CFAP61: variants seen among roughly 807,000 people sequenced by gnomAD.
CFAP61 encodes cilia and flagella associated protein 61.
CFAP61 carries 107 observed loss-of-function variants against 135.6 expected under a neutral mutation model. The ratio of observed to expected loss-of-function variants is 0.79; its 90% confidence interval spans 0.67 to 0.93. The LOEUF (loss-of-function observed/expected upper bound fraction) is 0.93, where lower values mean the gene tolerates loss of function less well. Ranked by LOEUF, CFAP61 falls within the 40% of genes least tolerant of loss-of-function variation. CFAP61 has a pLI of 0.00. For missense variants in CFAP61, 1,507 were observed against 1,556.2 expected (o/e 0.97, Z 0.53); for synonymous variants, 575 against 578.5 (o/e 0.99, Z 0.09).
rs568390677 is a variant in CFAP61 at position 20,210,552 on chromosome 20, G to A, written c.1932+10650G>A. The stretch of plus-strand genomic sequence containing the variant: ...TCAGGAGGGGTCATGAGTCAGCAGG[G>A]ATTGGCAGAAATGAAACACATCTGC... On this transcript the variant is annotated intron_variant, in intron 17 of 26. Coordinates refer to ENST00000245957, the MANE Select transcript of CFAP61 (RefSeq NM_015585.4). Among the ~76,000 whole-genome samples the A allele has an allele frequency of 5.9e-5, 9 of 152,308 alleles. No homozygotes were observed. The South Asian group carries it at 1.2e-3, about 21-fold the overall frequency.
intron 25 of CFAP61, among the ~76,000 whole-genome samples, chr20:20,300,890 G>A (rs943816693): frequency 2.6e-5 from 4 of 152,100 alleles, no homozygotes; most frequent in African/African-American, 9.7e-5. Flanking sequence ...ACAGGCATGA[G>A]CCACCGTGCC....
At chr20:20,111,084 T>C (rs1600707979) in intron 8 of CFAP61, among the ~76,000 whole-genome samples, 1 of 152,220 alleles carries the variant, frequency 6.6e-6, no homozygotes, top group South Asian at 2.1e-4. Context: ...GAGCAGATTA[T>C]AGTTTTCCAT....
At chr20:20,095,895 G>T (rs942484720) in intron 7 of CFAP61, among the ~76,000 whole-genome samples, 6 of 152,196 alleles carry the variant, frequency 3.9e-5, no homozygotes, top group African/African-American at 1.4e-4. Flanking sequence ...GCATAAATGA[G>T]AAAATACACA....
At chr20:20,219,510 A>G (rs1386534170) in intron 17 of CFAP61, among the ~76,000 whole-genome samples, 1 of 152,212 alleles carries the variant, frequency 6.6e-6, no homozygotes, top group Non-Finnish European at 1.5e-5. Flanking sequence ...TGCATCTCTG[A>G]TATATCATAT....
At chr20:20,214,740 A>C (rs760448203) in intron 17 of CFAP61, among the ~76,000 whole-genome samples, 3 of 152,208 alleles carry the variant, frequency 2.0e-5, no homozygotes, top group Non-Finnish European at 4.4e-5. Context: ...CTAAAATCTC[A>C]ACACTTCTTT....
At chr20:20,251,308 T>A (rs189882614) in intron 19 of CFAP61, among the ~76,000 whole-genome samples, 1 of 150,316 alleles carries the variant, frequency 6.7e-6, no homozygotes, top group East Asian at 2.0e-4. Flanking sequence ...TATGAGTGAT[T>A]TCACACACAC....
At chr20:20,123,143 T>A (rs1481035354) in intron 8 of CFAP61, among the ~76,000 whole-genome samples, 1 of 151,768 alleles carries the variant, frequency 6.6e-6, no homozygotes, top group African/African-American at 2.4e-5. Flanking sequence ...CTGATTTGTT[T>A]GAGTTCGTTG....
chr20:20,241,930 C>A (rs758058931), intron 18 of CFAP61, among the ~76,000 whole-genome samples: 2 of 151,990 alleles, frequency 1.3e-5, no homozygotes, highest in African/African-American at 2.4e-5. Flanking sequence ...ATTTTTTATT[C>A]TTATTATTAG....
At position 20,164,168 on chromosome 20, in the gene CFAP61, G is replaced by T; in HGVS notation, c.1145G>T (p.Arg382Met). Residue 382 changes from arginine to methionine, a missense_variant, in exon 11 of 27, where the codon AGG becomes ATG. Physicochemically the swap from Arg to Met is moderately conservative, Grantham distance 91. Transcript: ENST00000245957. The stretch of plus-strand genomic sequence containing the variant: ...CCCGTCCACTTCCGCCCCATCTACA[G>T]GGGAGCCTCAGCTGCTTTTTGTATT... The part of the protein sequence containing the change: ...EEPVHFRPIY[R>M]GASAAFCIQL... The T allele has an allele frequency of 6.2e-7, 1 of 1,614,086 alleles. No homozygotes were observed. Among genetic ancestry groups the T allele is most frequent in the Non-Finnish European group, 8.5e-7 (1 of 1,179,970 alleles).
At chr20:20,223,603 G>T (rs546095167) in intron 17 of CFAP61, among the ~76,000 whole-genome samples, 43 of 152,256 alleles carry the variant, frequency 2.8e-4, no homozygotes, top group African/African-American at 9.9e-4. Flanking sequence ...CATTGAAATT[G>T]AGTTTCAGTA....
intron 17 of CFAP61, among the ~76,000 whole-genome samples, chr20:20,213,678 C>T (rs777878754): frequency 3.3e-5 from 5 of 152,062 alleles, no homozygotes; most frequent in East Asian, 1.9e-4. Context: ...AGCCTGTTTA[C>T]GTTCTCACCA....
At chr20:20,294,309 G>A (rs1218877346) in intron 24 of CFAP61, among the ~76,000 whole-genome samples, 1 of 152,156 alleles carries the variant, frequency 6.6e-6, no homozygotes, top group Admixed American at 6.5e-5. Flanking sequence ...GAATAGGAGT[G>A]GCCTGCACTA....
chr20:20,295,526 G>A (rs1286492911), intron 24 of CFAP61, among the ~76,000 whole-genome samples: 1 of 152,146 alleles, frequency 6.6e-6, no homozygotes, highest in East Asian at 1.9e-4. Context: ...CCCTTACTGT[G>A]ACGGGGACAT....
At chr20:20,118,664 C>T (rs2049371309) in intron 8 of CFAP61, among the ~76,000 whole-genome samples, 1 of 152,036 alleles carries the variant, frequency 6.6e-6, no homozygotes, top group South Asian at 2.1e-4. Flanking sequence ...TCCTTCTGTA[C>T]TCATTTTGTT....
chr20:20,119,637 A>G (rs1448777680), intron 8 of CFAP61, among the ~76,000 whole-genome samples: 6 of 146,878 alleles, frequency 4.1e-5, no homozygotes, highest in Non-Finnish European at 9.3e-5. Context: ...CTATGAAGAA[A>G]TGATTTTTTT....
At position 20,169,464 on chromosome 20, in the gene CFAP61, A is replaced by T. The variant is rs2054066358; in HGVS notation, c.1385+4A>T. 6.2e-7 allele frequency: 1 copy of T among 1,602,924 alleles called. No homozygotes were observed. Among genetic ancestry groups the T allele is most frequent in the African/African-American group, 1.3e-5 (1 of 74,848 alleles). On this transcript the variant is annotated splice_donor_region_variant and intron_variant, in intron 13 of 26. Coordinates refer to ENST00000245957, the MANE Select transcript of CFAP61 (RefSeq NM_015585.4). ...TCCACCGGGCTGGATTGCTCAAGTG[A>T]GTAGACACATGTTTGGCCACACAAC... is the stretch of plus-strand genomic sequence containing the variant.
intron 10 of CFAP61, among the ~76,000 whole-genome samples, chr20:20,163,645 G>A (rs1047804032): frequency 6.6e-6 from 1 of 151,110 alleles, no homozygotes; most frequent in Non-Finnish European, 1.5e-5. Context: ...GGATATGTGT[G>A]CAGAACGTGC....
Position 20,159,425 on chromosome 20 carries a change from G to T in CFAP61, c.1007G>T (p.Gly336Val), listed in dbSNP as rs2053217959. Residue 336 changes from glycine (G) to valine (V), a missense_variant, in exon 10 of 27, where the codon GGA becomes GTA. Physicochemically the swap from Gly to Val is moderately radical, Grantham distance 109. Transcript: ENST00000245957. Reference sequence around the variant, plus strand: ...GAAGCTTTAACAGCAGTCCAAAGTGGAAATGTTAGTGAACCGGAGGTAGGG... The same window carrying T: ...GAAGCTTTAACAGCAGTCCAAAGTGTAAATGTTAGTGAACCGGAGGTAGGG... The part of the protein sequence containing the change: ...SEEALTAVQS[G>V]NVSEPEDIEK... 2.5e-6 allele frequency: 4 copies of T among 1,613,806 alleles called. No homozygotes were observed. The highest frequency in any genetic ancestry group is 3.4e-6 in the Non-Finnish European group (4 of 1,179,826).
chr20:20,309,990 C>T (rs1476726481), intron 25 of CFAP61, among the ~76,000 whole-genome samples: 4 of 152,000 alleles, frequency 2.6e-5, no homozygotes, highest in Admixed American at 2.6e-4. Context: ...TATTAATTAA[C>T]TTTGTTTTTG....
Sources: allele counts gnomAD v4.1 joint callset (sites outside exome capture counted in the v4.1 genomes callset), GRCh38; gene constraint gnomAD v4.1.1; transcripts MANE v1.5; gene names NCBI Gene and HGNC (gene_info 2026-07-23, HGNC 2026-07-21).